HDAC10: variants seen among roughly 807,000 people sequenced by gnomAD.
The protein encoded by HDAC10 is polyamine deacetylase HDAC10.
In HDAC10, 90 loss-of-function variants were observed where a neutral mutation model predicts 82.3. That is an observed-to-expected ratio of 1.09 (90% confidence interval 0.92 to 1.30). HDAC10 has a LOEUF of 1.30. Among genes scored for constraint, HDAC10 ranks in the 50% most tolerant of loss-of-function variants. HDAC10 has a pLI of 0.00. For missense variants in HDAC10, 934 were observed against 876.3 expected (o/e 1.07, Z -0.83); for synonymous variants, 456 against 391.7 (o/e 1.16, Z -1.94).
chr22:50,250,816 A>G lies in HDAC10; in HGVS notation c.149T>C (p.Leu50Ser). ...CTCTTCCGAGGCCTCGCGGGCTGAC[A>G]ACCGCAGACACCTCTGTTCCAGGCC... is the stretch of plus-strand genomic sequence containing the variant. ...QRGLEQRCLR[L>S]SAREASEEEL... The change falls in exon 2 of 20, where the codon TTG becomes TCG. Residue 50 changes from leucine to serine, a missense_variant. Leu to Ser is a moderately radical substitution (Grantham distance 145). Transcript: ENST00000216271. The G allele has an allele frequency of 6.2e-7, 1 of 1,604,292 alleles. No homozygotes were observed.
chr22:50,249,954 G>T lies in HDAC10; in HGVS notation c.400C>A (p.His134Asn). The T allele has an allele frequency of 6.2e-7, 1 of 1,612,702 alleles. No homozygotes were observed. ...TTGGCAGCCGCCCTCTGGCCATGGT[G>T]CCCGGGAGGCCTACGGCGTGAGAGT... ...NGLALVRPPG[H>N]HGQRAAANGF... Residue 134 changes from histidine (H) to asparagine (N), a missense_variant, in exon 5 of 20, where the codon CAC (histidine) becomes AAC (asparagine). By Grantham distance (68) the His-to-Asn change is moderately conservative. Transcript: ENST00000216271. The surrounding 1 kb of genome is among the most constrained non-coding windows in gnomAD (Gnocchi z 4.4).
Position 50,245,705 on chromosome 22 carries a change from C to T in HDAC10, c.1956G>A (p.Gly652=), listed in dbSNP as rs774430006. The T allele has an allele frequency of 8.7e-6, 14 of 1,613,128 alleles. No individual in the cohort carries two copies. In the South Asian group the frequency reaches 9.9e-5, roughly 11 times the overall value. ...EDVQALMYLR[G]QLEPQWKMLQ... is the part of the protein sequence containing the mutation. ...ACATCTTCCACTGAGGCTCCAGCTG[C>T]CCTCTCAGGTACATCAGGGCCTGGA... The change falls in exon 19 of 20, where the codon GGG becomes GGA. Residue 652 remains glycine (G), a synonymous_variant. Coordinates refer to ENST00000216271, the MANE Select transcript of HDAC10 (RefSeq NM_032019.6).
Position 50,249,883 on chromosome 22 carries a change from G to C in HDAC10, c.471C>G (p.Ala157=). 2.5e-6 allele frequency: 4 copies of C among 1,612,690 alleles called. No homozygotes were observed. The highest frequency in any genetic ancestry group is 3.4e-6 in the Non-Finnish European group (4 of 1,179,774). Residue 157 remains alanine, a synonymous_variant, in exon 5 of 20, where the codon GCC becomes GCG. Coordinates refer to ENST00000216271, the MANE Select transcript of HDAC10 (RefSeq NM_032019.6). This position sits in a 1 kb window ranked among gnomAD's most constrained non-coding sequence, Gnocchi z 4.4. ...FNNVAIAAAH[A]KQKHGLHRIL... ...ACCTGTGTAGCCCGTGTTTCTGCTT[G>C]GCATGTGCAGCTGCTATGGCCACGT...
chr22:50,250,615 C>CGGGGT (rs2065066225), intron 2 of HDAC10, 92 bp from the exon 3 acceptor site: 2 of 1,318,930 alleles, frequency 1.5e-6, no homozygotes, highest in Admixed American at 3.8e-5. Context: ...TGGGAGTGGC[C>CGGGGT]ACCCTGTCAC....
At position 50,245,976 on chromosome 22, in the gene HDAC10, G is replaced by T; in HGVS notation, c.1767C>A (p.His589Gln). ...LGPGHGLQGPHAALLAAMLRG... is the reference protein window; with the variant it reads ...LGPGHGLQGPQAALLAAMLRG... The stretch of plus-strand genomic sequence containing the variant: ...GAAGCATTGCAGCCAGGAGTGCAGC[G>T]TGGGGGCCCTGCAGGCCATGGCCAG... Residue 589 changes from histidine to glutamine, a missense_variant, in exon 18 of 20, where the codon CAC (histidine) becomes CAA (glutamine). Transcript: ENST00000216271. 6.2e-7 allele frequency: 1 copy of T among 1,609,256 alleles called. No individual in the cohort carries two copies. Among genetic ancestry groups the T allele is most frequent in the South Asian group, 1.1e-5 (1 of 90,486 alleles).
In HDAC10 at chr22:50,248,897, GC is replaced by G; in HGVS notation, c.757-8del. ...GCACCAGCTCAGGGTCAAACTACAG[GC>G]CAGGCCGGAGTGGGGAGGGTCGACA... On this transcript the variant is annotated splice_region_variant and splice_polypyrimidine_tract_variant and intron_variant, in intron 8 of 19. Transcript: ENST00000216271. The surrounding 1 kb of genome is among the most constrained non-coding windows in gnomAD (Gnocchi z 5.4). The G allele has an allele frequency of 6.2e-7, 1 of 1,610,300 alleles. No individual in the cohort carries two copies. The highest frequency in any genetic ancestry group is 8.5e-7 in the Non-Finnish European group (1 of 1,178,900).
At chr22:50,250,950 C>A in intron 1 of HDAC10, 24 bp downstream of exon 1, 1 of 1,611,106 alleles carries the variant, frequency 6.2e-7, no homozygotes, top group Non-Finnish European at 8.5e-7. Flanking sequence ...TCCCCGCACC[C>A]CACCTCGGCC....
In HDAC10 at chr22:50,245,420, C is replaced by A. The variant is rs1256756851; in HGVS notation, c.*87G>T. On this transcript the variant is annotated 3_prime_UTR_variant, in exon 20 of 20. Coordinates refer to ENST00000216271, the MANE Select transcript of HDAC10 (RefSeq NM_032019.6). ...GTTCCGTGCCCCAGAGTCGAGGGAG[C>A]CGTGGGCTTGGGGTCCGGATCGCGG... The A allele has an allele frequency of 1.4e-6, 1 of 715,714 alleles. No individual in the cohort carries two copies. The highest frequency in any genetic ancestry group is 2.6e-6 in the Non-Finnish European group (1 of 387,148). The allele number at this position is 715,714 out of a possible 1,614,324, so 44.3% of individuals were successfully genotyped here.
rs2065027749 is a variant in HDAC10, at chr22:50,249,231, G to C, written c.691-63C>G. On this transcript the variant is annotated intron_variant, in intron 7 of 19. Coordinates refer to ENST00000216271, the MANE Select transcript of HDAC10 (RefSeq NM_032019.6). The surrounding 1 kb of genome is among the most constrained non-coding windows in gnomAD (Gnocchi z 4.4). Reference sequence around the variant, plus strand: ...GCAGGGGAGGGGCCCGGGGGAGGGGGTGGGTGGGGACCTGGGGCTTGAGGG... The same window carrying C: ...GCAGGGGAGGGGCCCGGGGGAGGGGCTGGGTGGGGACCTGGGGCTTGAGGG... 29 of 1,306,286 alleles carry C rather than the reference G, an allele frequency of 2.2e-5. No individual in the cohort carries two copies. The highest frequency in any genetic ancestry group is 2.7e-5 in the Non-Finnish European group (25 of 936,380). 80.9% of individuals were successfully genotyped at this position (1,306,286 alleles called of 1,614,324 possible).
In HDAC10 at chr22:50,246,390, G is replaced by A. The variant is rs775333086; in HGVS notation, c.1572-14C>T. The A allele has an allele frequency of 2.1e-5, 34 of 1,606,998 alleles. No individual in the cohort carries two copies. Among genetic ancestry groups the A allele is most frequent in the Non-Finnish European group, 2.6e-5 (31 of 1,176,502 alleles). ...CACAGACTCCTCCTTCCAGGACACA[G>A]GTGCATAAGTGTAAGGCCCTGCTCA... On this transcript the variant is annotated splice_polypyrimidine_tract_variant and intron_variant, in intron 16 of 19. Transcript: ENST00000216271.
intron 1 of HDAC10, 33 bp downstream of exon 1, chr22:50,250,941 C>T (rs1282360332): frequency 6.2e-7 from 1 of 1,610,204 alleles, no homozygotes; most frequent in Admixed American, 1.7e-5. Flanking sequence ...AGAGGTCCCT[C>T]CCCGCACCCC....
chr22:50,251,065 GCCCTCGCTAGTGGTGCCTGCCACTGC>G lies in HDAC10; in HGVS notation c.-59_-34del. ...CCGTGGTCACCCTGGGTTCCCAAAC[GCCCTCGCTAGTGGTGCCTGCCACTGC>G]CTGTCCCCACCTTCGGCCGGGAGCA... is the stretch of plus-strand genomic sequence containing the variant. On this transcript the variant is annotated 5_prime_UTR_variant, in exon 1 of 20. Coordinates refer to ENST00000216271, the MANE Select transcript of HDAC10 (RefSeq NM_032019.6). The G allele has an allele frequency of 6.3e-7, 1 of 1,593,842 alleles. No individual in the cohort carries two copies. The highest frequency in any genetic ancestry group is 8.6e-7 in the Non-Finnish European group (1 of 1,168,530).
chr22:50,246,779 G>A (rs1249314803), intron 15 of HDAC10, 44 bp from the exon 16 acceptor site: 6 of 1,609,640 alleles, frequency 3.7e-6, no homozygotes, highest in Non-Finnish European at 5.1e-6. Context: ...ATGTTGTCCA[G>A]AGTCCATTCC....
At position 50,245,860 on chromosome 22, in the gene HDAC10, G is replaced by A. The variant is rs146510222; in HGVS notation, c.1834-33C>T. On this transcript the variant is annotated intron_variant, in intron 18 of 19. Coordinates refer to ENST00000216271, the MANE Select transcript of HDAC10 (RefSeq NM_032019.6). ...AGGGGCGAAGACGGAAGCAGTCACT[G>A]GTCCTTTCCCTCGTCCCACCCCGCA... is the stretch of plus-strand genomic sequence containing the variant. The A allele has an allele frequency of 1.9e-5, 30 of 1,555,614 alleles. No homozygotes were observed. In the African/African-American group the frequency reaches 3.4e-4, roughly 18 times the overall value.
intron 13 of HDAC10, 53 bp from the exon 14 acceptor site, chr22:50,247,829 G>C (rs1445135747): frequency 1.2e-6 from 2 of 1,612,290 alleles, no homozygotes; most frequent in Non-Finnish European, 8.5e-7. Flanking sequence ...CGCAGGTCAG[G>C]CACACACAGG....
rs745987320 is a variant in HDAC10 at position 50,250,059 on chromosome 22, T to C, written c.389+4A>G. 6.2e-7 allele frequency: 1 copy of C among 1,612,438 alleles called. No homozygotes were observed. The highest frequency in any genetic ancestry group is 1.3e-5 in the African/African-American group (1 of 75,032). ...GAGCAGCCAGGGGAAGGGGCAGCTC[T>C]CACCTCACCAGGGCAAGCCCATTTT... On this transcript the variant is annotated splice_donor_region_variant and intron_variant, in intron 4 of 19. Transcript: ENST00000216271.
chr22:50,247,770 G>C lies in HDAC10; in HGVS notation c.1344C>G (p.His448Gln). ...GGGCCTCCTCCCGGGCCAGGGACTC[G>C]TGTGGCCTGTGGTGGACAGACCAGA... ...REETEAWARPHESLAREEALT... is the reference protein window; with the variant it reads ...REETEAWARPQESLAREEALT... Residue 448 changes from histidine to glutamine, a missense_variant, in exon 14 of 20, where the codon CAC becomes CAG. Transcript: ENST00000216271. 6.2e-7 allele frequency: 1 copy of C among 1,610,368 alleles called. No homozygotes were observed. The highest frequency in any genetic ancestry group is 8.5e-7 in the Non-Finnish European group (1 of 1,177,830).
Position 50,246,570 on chromosome 22 carries a change from C to A in HDAC10, c.1571+109G>T, listed in dbSNP as rs966576393. On this transcript the variant is annotated intron_variant, in intron 16 of 19. Transcript: ENST00000216271. ...CACCCCAGCTGAGGAAGGCTCCATT[C>A]AGTACCACACAGTGCCCCACCCACC... The A allele has an allele frequency of 3.3e-5, 40 of 1,198,736 alleles. No homozygotes were observed. The Admixed American group carries it at 5.0e-4, about 15-fold the overall frequency. 74.3% of individuals were successfully genotyped at this position (1,198,736 alleles called of 1,614,324 possible).
rs879156610 is a variant in HDAC10 at position 50,245,723 on chromosome 22, G to A, written c.1938C>T (p.Ala646=). The change falls in exon 19 of 20, where the codon GCC becomes GCT. Residue 646 remains alanine (A), a synonymous_variant. Coordinates refer to ENST00000216271, the MANE Select transcript of HDAC10 (RefSeq NM_032019.6). The stretch of plus-strand genomic sequence containing the variant: ...CCAGCTGCCCTCTCAGGTACATCAG[G>A]GCCTGGACGTCCTCTGGGGAGGCCA... ...SSVASPEDVQ[A]LMYLRGQLEP... 6.2e-7 allele frequency: 1 copy of A among 1,613,190 alleles called. No homozygotes were observed. Among genetic ancestry groups the A allele is most frequent in the South Asian group, 1.1e-5 (1 of 91,046 alleles).
Sources: allele counts gnomAD v4.1 joint callset, GRCh38; gene constraint gnomAD v4.1.1; non-coding constraint Gnocchi (gnomAD v3.1); transcripts MANE v1.5; gene names NCBI Gene and HGNC (gene_info 2026-07-23, HGNC 2026-07-21).